Variants in LOXL2 observed in about 807,000 individuals in gnomAD.
LOXL2 encodes the protein lysyl oxidase homolog 2.
Under a neutral mutation model 93.0 loss-of-function variants are expected in LOXL2, and 70 were observed. That is an observed-to-expected ratio of 0.75 (90% CI 0.62 to 0.92). The LOEUF is 0.92. LOXL2 is among the 40% of genes least tolerant of loss of function. The pLI, the probability that LOXL2 is intolerant of heterozygous loss-of-function variation, is 0.00. For synonymous variants in LOXL2, 438 were observed against 413.2 expected, an observed-to-expected ratio of 1.06 and a Z score of -0.73; for missense variants, 973 against 1,054.9, an observed-to-expected ratio of 0.92 and a Z score of 1.08.
At chr8:23,363,605 C>T (rs1240937263) in intron 2 of LOXL2, 3 of 152,244 alleles carry the variant, frequency 2.0e-5, no homozygotes, top group Non-Finnish European at 2.9e-5. Flanking sequence ...ATTCCATCTG[C>T]AGTGAGAGAA....
chr8:23,302,647 C>T (rs1481264789), intron 11 of LOXL2, among the ~76,000 whole-genome samples: 4 of 152,318 alleles, frequency 2.6e-5, no homozygotes, highest in Middle Eastern at 3.4e-3. Flanking sequence ...AGTGGCGGGC[C>T]GCTTCAATGA....
In LOXL2 at chr8:23,341,188, C is replaced by G; in HGVS notation, c.547G>C (p.Val183Leu). 6.2e-7 allele frequency: 1 copy of G among 1,613,134 alleles called. No individual in the cohort carries two copies. The highest frequency in any genetic ancestry group is 8.5e-7 in the Non-Finnish European group (1 of 1,179,796). The change falls in exon 4 of 14, where the codon GTG becomes CTG. Residue 183 changes from valine to leucine, a missense_variant. Coordinates refer to ENST00000389131, the MANE Select transcript of LOXL2 (RefSeq NM_002318.3). Reference sequence around the variant, plus strand: ...ATGGCTCGAATCCGAATGTCCTCCACCTGGATATTCAGGTTCTGGGAAGAA... The same window carrying G: ...ATGGCTCGAATCCGAATGTCCTCCAGCTGGATATTCAGGTTCTGGGAAGAA... ...INQIENLNIQ[V>L]EDIRIRAILS...
In LOXL2 at chr8:23,316,696, T is replaced by C. The variant is rs191178045; in HGVS notation, c.1636+253A>G. On this transcript the variant is annotated intron_variant, in intron 9 of 13. Transcript: ENST00000389131. Reference sequence around the variant, plus strand: ...CTGCCCTGGGTCACTGCAGTAGCAGTGGTCCTGTGACTGAATCCGGGCTAC... The same window carrying C: ...CTGCCCTGGGTCACTGCAGTAGCAGCGGTCCTGTGACTGAATCCGGGCTAC... The C allele has an allele frequency of 1.0e-3, 503 of 498,842 alleles. 2 individuals carry two copies. The highest frequency in any genetic ancestry group is 1.3e-3 in the Non-Finnish European group (371 of 285,566). The allele number at this position is 498,842 out of a possible 1,614,324, so 30.9% of individuals were successfully genotyped here. A position where few individuals can be genotyped will look rare whatever the true frequency, so the allele number is the denominator to read the frequency against.
chr8:23,303,697 C>T (rs1803179647), intron 10 of LOXL2, among the ~76,000 whole-genome samples: 1 of 152,032 alleles, frequency 6.6e-6, no homozygotes, highest in African/African-American at 2.4e-5. Flanking sequence ...GCAGATTAGC[C>T]AGCACTGCAT....
At chr8:23,318,611 C>A (rs1259830002) in intron 8 of LOXL2, among the ~76,000 whole-genome samples, 3 of 152,134 alleles carry the variant, frequency 2.0e-5, no homozygotes, top group African/African-American at 7.2e-5. Flanking sequence ...CAGTCCCAGG[C>A]CTATTTCAAG....
intron 1 of LOXL2, among the ~76,000 whole-genome samples, chr8:23,383,911 CG>C (rs1466330046): frequency 1.3e-5 from 2 of 152,008 alleles, no homozygotes; most frequent in Non-Finnish European, 2.9e-5. Context: ...CCACCCGCCT[CG>C]GCCTCCCAAA....
At chr8:23,397,922 C>A (rs1349929931) in intron 1 of LOXL2, among the ~76,000 whole-genome samples, 2 of 139,390 alleles carry the variant, frequency 1.4e-5, no homozygotes, top group African/African-American at 5.4e-5. Flanking sequence ...GATTGCACCA[C>A]TGCACTCCAG....
chr8:23,399,654 A>G (rs1470392240), intron 1 of LOXL2, among the ~76,000 whole-genome samples: 1 of 152,196 alleles, frequency 6.6e-6, no homozygotes, highest in Non-Finnish European at 1.5e-5. Context: ...CAGTCTCCAT[A>G]ACTGTAAGAA....
At chr8:23,376,855 A>G (rs1289027339) in intron 1 of LOXL2, among the ~76,000 whole-genome samples, 2 of 152,026 alleles carry the variant, frequency 1.3e-5, no homozygotes, top group African/African-American at 2.4e-5. Context: ...TCTTGCTAGC[A>G]GTCTATCAAT....
At chr8:23,382,951 A>C (rs1804701503) in intron 1 of LOXL2, among the ~76,000 whole-genome samples, 1 of 151,700 alleles carries the variant, frequency 6.6e-6, no homozygotes, top group Non-Finnish European at 1.5e-5. Flanking sequence ...TCCCACCCTC[A>C]ATTCCATGTG....
At chr8:23,299,956 G>T (rs1451553974) in intron 12 of LOXL2, among the ~76,000 whole-genome samples, 2 of 152,222 alleles carry the variant, frequency 1.3e-5, no homozygotes, top group African/African-American at 4.8e-5. Flanking sequence ...GCTGTGTCCC[G>T]CTGGGGCCCT....
Position 23,368,401 on chromosome 8 carries a change from G to C in LOXL2, c.-50C>G. ...ACGAAGGGGCCCTGCGCAGCTGGGA[G>C]GGACAGGCGGGGTACAGAAGCAGCA... On this transcript the variant is annotated 5_prime_UTR_variant, in exon 2 of 14. Transcript: ENST00000389131. 1 of 1,494,442 alleles carries C rather than the reference G, an allele frequency of 6.7e-7. No individual in the cohort carries two copies. The highest frequency in any genetic ancestry group is 9.2e-7 in the Non-Finnish European group (1 of 1,082,416). The allele number at this position is 1,494,442 out of a possible 1,614,324, so 92.6% of individuals were successfully genotyped here.
In LOXL2 at chr8:23,314,429, G is replaced by A. The variant is rs532342055; in HGVS notation, c.1636+2520C>T. On this transcript the variant is annotated intron_variant, in intron 9 of 13. Coordinates refer to ENST00000389131, the MANE Select transcript of LOXL2 (RefSeq NM_002318.3). ...CAATGATAGACTGGATTAAGAAAAT[G>A]TGGCACATATACACCATGGAATACT... Among the ~76,000 whole-genome samples, 5 of 138,022 alleles carry A rather than the reference G, an allele frequency of 3.6e-5. No homozygotes were observed. In the East Asian group the frequency reaches 8.4e-4, roughly 23 times the overall value. The allele number at this position is 138,022 out of a possible 152,430, so 90.5% of individuals were successfully genotyped here.
intron 1 of LOXL2, among the ~76,000 whole-genome samples, chr8:23,397,668 C>T (rs914117702): frequency 1.3e-5 from 2 of 151,598 alleles, no homozygotes; most frequent in Admixed American, 6.6e-5. Flanking sequence ...GTCCCAGCTA[C>T]TCAGGAGGCT....
intron 2 of LOXL2, among the ~76,000 whole-genome samples, chr8:23,360,682 T>A (rs1312976718): frequency 6.6e-6 from 1 of 152,152 alleles, no homozygotes; most frequent in African/African-American, 2.4e-5. Context: ...GTGTGCAGAT[T>A]AGAGATACTA....
intron 10 of LOXL2, among the ~76,000 whole-genome samples, chr8:23,308,052 C>T (rs998511460): frequency 2.6e-5 from 4 of 151,520 alleles, no homozygotes; most frequent in Admixed American, 6.6e-5. Context: ...AGGCCCGAGC[C>T]GGGATTCCTG....
intron 1 of LOXL2, among the ~76,000 whole-genome samples, chr8:23,392,717 T>G (rs1159053203): frequency 6.6e-6 from 1 of 152,162 alleles, no homozygotes; most frequent in Non-Finnish European, 1.5e-5. Flanking sequence ...TACACCCCCC[T>G]GCCCTTGGAC....
chr8:23,368,583 C>A, intron 1 of LOXL2, 149 bp from the exon 2 acceptor site: 1 of 580,858 alleles, frequency 1.7e-6, no homozygotes, highest in East Asian at 2.9e-5. Flanking sequence ...TTCCACCATG[C>A]AGGGCTGGGA....
rs1357690280 is a variant in LOXL2, at chr8:23,297,688, C to T, written c.*355G>A. On this transcript the variant is annotated 3_prime_UTR_variant, in exon 14 of 14. Coordinates refer to ENST00000389131, the MANE Select transcript of LOXL2 (RefSeq NM_002318.3). ...TTGTCCACGTGTCACTGGAGAAGAG[C>T]GCGGCTCCACTGTGTCTGTGGTGAG... 2 of 212,072 alleles carry T rather than the reference C, an allele frequency of 9.4e-6. No individual in the cohort carries two copies. The highest frequency in any genetic ancestry group is 5.6e-5 in the Admixed American group (1 of 17,722). The allele number at this position is 212,072 out of a possible 1,614,324, so 13.1% of individuals were successfully genotyped here.
Sources: allele counts gnomAD v4.1 joint callset (sites outside exome capture counted in the v4.1 genomes callset), GRCh38; gene constraint gnomAD v4.1.1; transcripts MANE v1.5; gene names NCBI Gene and HGNC (gene_info 2026-07-23, HGNC 2026-07-21).